The following TRIM5 variants were observed in gnomAD, a reference collection of about 807,000 sequenced individuals.
The protein encoded by TRIM5 is tripartite motif containing 5.
A neutral mutation model predicts 35.6 loss-of-function variants in TRIM5; 31 were observed. The observed-to-expected ratio is 0.87, with a 90% CI of 0.65 to 1.18. The LOEUF (loss-of-function observed/expected upper bound fraction) is 1.18, where lower values mean the gene tolerates loss of function less well. TRIM5 is among the 50% of genes most tolerant of loss of function. The pLI is 0.00. For synonymous variants in TRIM5, 243 were observed against 215.6 expected (o/e 1.13, Z -1.11); for missense variants, 609 against 591.6 (o/e 1.03, Z -0.31).
At chr11:5,603,813 AATCTCTTT>A in the TRIM5 span, 1 of 1,541,168 alleles carries the variant, frequency 6.5e-7, no homozygotes, top group Non-Finnish European at 8.7e-7. Context: ...GCTCTGATCT[AATCTCTTT>A]GTAGTCTTTA....
chr11:5,613,984 T>G, the TRIM5 span, among the ~76,000 whole-genome samples: 1 of 152,162 alleles, frequency 6.6e-6, no homozygotes, highest in African/African-American at 2.4e-5. Context: ...AAAGCCAAAC[T>G]AAGTACTTGC....
chr11:5,668,462 C>T (rs1433826421), intron 4 of TRIM5, among the ~76,000 whole-genome samples: 1 of 146,444 alleles, frequency 6.8e-6, no homozygotes. Flanking sequence ...TTCTTTCTTT[C>T]TTTTTTTTTA....
At position 5,679,999 on chromosome 11, in the gene TRIM5, A is replaced by T. The variant is rs777242143; in HGVS notation, c.179T>A (p.Ile60Asn). Reference protein sequence around the residue: ...KGESSCPVCRISYQPENIRPN... With the variant: ...KGESSCPVCRNSYQPENIRPN... ...CCGTATGTTCTCAGGCTGGTAACTG[A>T]TCCGGCACACAGGGCAGCTACTCTC... Residue 60 changes from isoleucine (I) to asparagine (N), a missense_variant, in exon 2 of 8, where the codon ATC (isoleucine) becomes AAC (asparagine). Coordinates refer to ENST00000380034, the MANE Select transcript of TRIM5 (RefSeq NM_033034.3). 13 of 1,613,874 alleles carry T rather than the reference A, an allele frequency of 8.1e-6. No individual in the cohort carries two copies. In the African/African-American group the frequency reaches 1.5e-4, roughly 18 times the overall value.
chr11:5,675,694 T>G (rs1368031573), intron 4 of TRIM5, among the ~76,000 whole-genome samples: 1 of 151,808 alleles, frequency 6.6e-6, no homozygotes, highest in Non-Finnish European at 1.5e-5. Context: ...TTGTGTTTTT[T>G]TTGTTTTTGT....
At chr11:5,600,653 T>C in the TRIM5 span, among the ~76,000 whole-genome samples, 1 of 151,558 alleles carries the variant, frequency 6.6e-6, no homozygotes, top group South Asian at 2.1e-4. Context: ...TGGGGGTAAA[T>C]TGGTACAATT....
chr11:5,679,281 CTG>C, intron 2 of TRIM5, 112 bp from the exon 3 acceptor site: 1 of 896,066 alleles, frequency 1.1e-6, no homozygotes, highest in East Asian at 2.5e-5. Flanking sequence ...TTTGCAGAAA[CTG>C]TGAGAATGGC....
the TRIM5 span, chr11:5,643,273 T>A: frequency 1.5e-5 from 24 of 1,613,942 alleles, no homozygotes; most frequent in Admixed American, 1.7e-5. Flanking sequence ...TCCCAATATT[T>A]CTCCTCTGGG....
chr11:5,604,594 A>G, the TRIM5 span: 1 of 1,613,346 alleles, frequency 6.2e-7, no homozygotes, highest in Non-Finnish European at 8.5e-7. Flanking sequence ...TGAGAAGCTA[A>G]CAGCTTTTAT....
chr11:5,616,398 G>C, the TRIM5 span, among the ~76,000 whole-genome samples: 2 of 145,650 alleles, frequency 1.4e-5, no homozygotes, highest in African/African-American at 2.5e-5. Context: ...TTCCCAACAA[G>C]TTACTGCTTG....
At chr11:5,636,359 T>C in the TRIM5 span, among the ~76,000 whole-genome samples, 15 of 152,190 alleles carry the variant, frequency 9.9e-5, no homozygotes, top group Non-Finnish European at 1.9e-4. Flanking sequence ...TTGCCAGAGC[T>C]CTGGGGAAGA....
chr11:5,602,093 C>T, the TRIM5 span, among the ~76,000 whole-genome samples: 1 of 152,144 alleles, frequency 6.6e-6, no homozygotes, highest in African/African-American at 2.4e-5. Flanking sequence ...TCTCATGGAG[C>T]TTACATTTCA....
At chr11:5,631,634 G>A in the TRIM5 span, among the ~76,000 whole-genome samples, 2 of 152,126 alleles carry the variant, frequency 1.3e-5, no homozygotes, top group East Asian at 1.9e-4. Context: ...GTTAGGAGGC[G>A]AGCACTTCTT....
Position 5,663,553 on chromosome 11 carries a change from T to C in TRIM5, c.*1256A>G, listed in dbSNP as rs1850910109. 1.0e-6 allele frequency: 1 copy of C among 971,196 alleles called. No homozygotes were observed. The highest frequency in any genetic ancestry group is 4.8e-5 in the South Asian group (1 of 20,978). 60.2% of individuals were successfully genotyped at this position (971,196 alleles called of 1,614,324 possible). On this transcript the variant is annotated 3_prime_UTR_variant, in exon 8 of 8. Transcript: ENST00000380034. ...CAAGTACTTATTAGATCAAGACACT[T>C]AGATAGATGCTTTATACTTCAGGAA... is the stretch of plus-strand genomic sequence containing the variant.
the TRIM5 span, among the ~76,000 whole-genome samples, chr11:5,597,900 C>T: frequency 6.7e-6 from 1 of 148,982 alleles, no homozygotes; most frequent in Non-Finnish European, 1.5e-5. Context: ...CCTTAATGTG[C>T]GTAAGAATCA....
At chr11:5,667,798 T>A in intron 4 of TRIM5, 87 bp from the exon 5 acceptor site, 2 of 1,468,710 alleles carry the variant, frequency 1.4e-6, no homozygotes, top group Middle Eastern at 1.7e-4. Context: ...CGGTTCCTAA[T>A]GTGCTGAGAA....
At chr11:5,591,747 C>T in the TRIM5 span, among the ~76,000 whole-genome samples, 8 of 151,986 alleles carry the variant, frequency 5.3e-5, no homozygotes, top group Admixed American at 6.6e-5. Context: ...TGGGGTGATG[C>T]AAGGGCTCAT....
the TRIM5 span, chr11:5,642,271 C>A: frequency 2.9e-6 from 2 of 698,512 alleles, no homozygotes; most frequent in Non-Finnish European, 4.7e-6. Context: ...GTCCGGCTCT[C>A]CCTTCTCCCC....
intron 4 of TRIM5, among the ~76,000 whole-genome samples, chr11:5,672,842 A>G (rs934537065): frequency 9.2e-5 from 14 of 152,214 alleles, no homozygotes; most frequent in African/African-American, 2.7e-4. Context: ...GAATTAAGTT[A>G]CTATTAATCA....
the TRIM5 span, among the ~76,000 whole-genome samples, chr11:5,639,943 T>A: frequency 2.6e-5 from 4 of 152,260 alleles, no homozygotes; most frequent in Non-Finnish European, 5.9e-5. Flanking sequence ...AAATGATGTA[T>A]CCATCACCTC....
Sources: gnomAD v4.1 joint callset for allele counts (sites outside exome capture counted in the v4.1 genomes callset) on GRCh38, gnomAD v4.1.1 for gene constraint, MANE v1.5 for transcripts, NCBI Gene and HGNC (gene_info 2026-07-23, HGNC 2026-07-21) for gene names.